FAT3: variants seen among roughly 807,000 people sequenced by gnomAD.
FAT3 encodes the protein protocadherin Fat 3.
A neutral mutation model predicts 310.2 loss-of-function variants in FAT3; 95 were observed. The observed-to-expected ratio is 0.31, with a 90% CI of 0.26 to 0.36. The LOEUF is 0.36. FAT3 is among the 10% of genes least tolerant of loss of function. The pLI is 1.00. For missense variants in FAT3, 5,408 were observed against 5,715.6 expected (o/e 0.95, Z 1.74); for synonymous variants, 2,314 against 2,192.9 (o/e 1.06, Z -1.54).
chr11:92,256,419 A>G (rs550084661), intron 1 of FAT3, among the ~76,000 whole-genome samples: 33 of 152,136 alleles, frequency 2.2e-4, no homozygotes, highest in Middle Eastern at 6.8e-3. Flanking sequence ...TGAAAAATAT[A>G]TGAAAAAATG....
chr11:92,431,139 T>C (rs1314595755), intron 2 of FAT3, among the ~76,000 whole-genome samples: 1 of 152,138 alleles, frequency 6.6e-6, no homozygotes, highest in Non-Finnish European at 1.5e-5. Flanking sequence ...AGTGTAAAAG[T>C]GTTCCTATTT....
chr11:92,593,239 T>C (rs1050276985), intron 3 of FAT3, among the ~76,000 whole-genome samples: 4 of 152,270 alleles, frequency 2.6e-5, no homozygotes, highest in African/African-American at 9.6e-5. Flanking sequence ...TTCTACATTT[T>C]GATTATTGTG....
chr11:92,865,939 G>T (rs150670758), intron 21 of FAT3, among the ~76,000 whole-genome samples: 78 of 152,296 alleles, frequency 5.1e-4, no homozygotes, highest in African/African-American at 1.8e-3. Flanking sequence ...CCAAACCATG[G>T]CTGGGAGCAT....
chr11:92,585,311 A>G (rs1939077848), intron 3 of FAT3, among the ~76,000 whole-genome samples: 1 of 152,020 alleles, frequency 6.6e-6, no homozygotes, highest in South Asian at 2.1e-4. Context: ...TCTTGCCAGG[A>G]CATCTTAAGG....
intron 5 of FAT3, 89 bp from the exon 6 acceptor site, chr11:92,764,790 C>A: frequency 8.0e-7 from 1 of 1,249,080 alleles, no homozygotes; most frequent in African/African-American, 1.5e-5. Context: ...TGAAGATGGA[C>A]TCTTGGCCCA....
At position 92,676,749 on chromosome 11, in the gene FAT3, T is replaced by C. The variant is rs371495510; in HGVS notation, c.3608-20635T>C. Among the ~76,000 whole-genome samples, 50 of 152,330 alleles carry C rather than the reference T, an allele frequency of 3.3e-4. 1 individual carries two copies. In the South Asian group the frequency reaches 7.7e-3, roughly 23 times the overall value. On this transcript the variant is annotated intron_variant, in intron 3 of 27. Coordinates refer to ENST00000525166, the MANE Select transcript of FAT3 (RefSeq NM_001367949.2). Reference sequence around the variant, plus strand: ...ATTATTTCTTATTCATAGCTATATATTTAGGCCTGAAAGAGGAGAGACTTT... The same window carrying C: ...ATTATTTCTTATTCATAGCTATATACTTAGGCCTGAAAGAGGAGAGACTTT...
At chr11:92,621,698 C>T (rs778977535) in intron 3 of FAT3, among the ~76,000 whole-genome samples, 2 of 152,204 alleles carry the variant, frequency 1.3e-5, no homozygotes, top group East Asian at 1.9e-4. Flanking sequence ...TCTTGTAATC[C>T]GTTCTGTTCT....
chr11:92,247,326 C>CTT (rs34159674), intron 1 of FAT3, among the ~76,000 whole-genome samples: 1,774 of 144,226 alleles, frequency 0.012, 36 homozygotes, highest in African/African-American at 0.042. Context: ...GAAACCATGT[C>CTT]TTTTTTTTTT....
At chr11:92,766,143 G>T (rs1484981735) in intron 6 of FAT3, among the ~76,000 whole-genome samples, 1 of 152,162 alleles carries the variant, frequency 6.6e-6, no homozygotes, top group Non-Finnish European at 1.5e-5. Flanking sequence ...AAGCAAGCAC[G>T]CCAGGCTGCA....
chr11:92,328,437 G>A (rs1433827292), intron 1 of FAT3, among the ~76,000 whole-genome samples: 2 of 152,158 alleles, frequency 1.3e-5, no homozygotes, highest in Non-Finnish European at 2.9e-5. Flanking sequence ...ATTGATCATT[G>A]AGTTTTCTGT....
intron 3 of FAT3, among the ~76,000 whole-genome samples, chr11:92,575,312 G>A (rs943735602): frequency 6.6e-6 from 1 of 152,080 alleles, no homozygotes; most frequent in Admixed American, 6.6e-5. Context: ...CCTGTCCCCA[G>A]TTGTTTTCTT....
At chr11:92,376,262 G>C (rs1264642066) in intron 2 of FAT3, among the ~76,000 whole-genome samples, 3 of 152,136 alleles carry the variant, frequency 2.0e-5, no homozygotes, top group African/African-American at 7.2e-5. Flanking sequence ...GGAAAGAGAG[G>C]CTTCTGCATT....
chr11:92,335,980 G>A, intron 1 of FAT3: 5 of 433,562 alleles, frequency 1.2e-5, no homozygotes, highest in South Asian at 1.9e-5. Flanking sequence ...GGTCAGAATG[G>A]CAGGCAAGGG....
At chr11:92,827,361 G>T (rs1291957115) in intron 13 of FAT3, among the ~76,000 whole-genome samples, 7 of 152,168 alleles carry the variant, frequency 4.6e-5, no homozygotes. Flanking sequence ...ACTGGAAATA[G>T]AAATGAAACC....
intron 3 of FAT3, among the ~76,000 whole-genome samples, chr11:92,535,204 C>G (rs901039907): frequency 2.0e-5 from 3 of 152,086 alleles, no homozygotes; most frequent in Admixed American, 2.0e-4. Flanking sequence ...GCCCCAACAA[C>G]AGCCCTGAGA....
intron 2 of FAT3, among the ~76,000 whole-genome samples, chr11:92,356,707 G>C (rs1161935385): frequency 2.0e-5 from 3 of 152,094 alleles, no homozygotes; most frequent in East Asian, 1.9e-4. Flanking sequence ...CATCACATAG[G>C]GGGTTAGGGC....
At chr11:92,744,132 A>G (rs1415957732) in intron 4 of FAT3, among the ~76,000 whole-genome samples, 1 of 152,220 alleles carries the variant, frequency 6.6e-6, no homozygotes, top group Non-Finnish European at 1.5e-5. Flanking sequence ...GTTGGGAGGA[A>G]CAAGGAATTG....
intron 1 of FAT3, among the ~76,000 whole-genome samples, chr11:92,254,793 C>G (rs781168234): frequency 6.6e-6 from 1 of 152,070 alleles, no homozygotes; most frequent in Non-Finnish European, 1.5e-5. Context: ...GCAACCTCCC[C>G]CTCCCAGGTT....
chr11:92,844,713 C>A lies in FAT3; in HGVS notation c.11346C>A (p.Asn3782Lys), dbSNP rs761520444. 6.5e-7 allele frequency: 1 copy of A among 1,548,718 alleles called. No individual in the cohort carries two copies. The highest frequency in any genetic ancestry group is 8.8e-7 in the Non-Finnish European group (1 of 1,140,920). Residue 3782 changes from asparagine (N) to lysine (K), a missense_variant, in exon 19 of 28, where the codon AAC (asparagine) becomes AAA (lysine). Asn to Lys is a moderately conservative substitution (Grantham distance 94). Around this residue, in one of 5 missense-constraint regions of FAT3, gnomAD observed 4,588 missense variants for 4,809.8 expected, o/e 0.95. Coordinates refer to ENST00000525166, the MANE Select transcript of FAT3 (RefSeq NM_001367949.2). ...ISFVCPRFYR[N>K]VRCTCNGGLC... ...TTGTGTGTCCGCGTTTCTACAGGAA[C>A]GTGCGTTGCACCTGCAATGGTGAGT...
Sources: allele counts gnomAD v4.1 joint callset (sites outside exome capture counted in the v4.1 genomes callset), GRCh38; gene constraint gnomAD v4.1.1; regional missense constraint gnomAD v4.1.1; transcripts MANE v1.5; gene names NCBI Gene and HGNC (gene_info 2026-07-23, HGNC 2026-07-21).